MCEMP1: variants seen among roughly 807,000 people sequenced by gnomAD.
MCEMP1 encodes the protein mast cell expressed membrane protein 1, also known as mast cell-expressed membrane protein 1.
Under a neutral mutation model 27.9 loss-of-function variants are expected in MCEMP1, and 17 were observed. The observed-to-expected ratio is 0.61, with a 90% CI of 0.42 to 0.91. The LOEUF (loss-of-function observed/expected upper bound fraction) is 0.91, where lower values mean the gene tolerates loss of function less well. Among genes scored for constraint, MCEMP1 ranks in the 40% least tolerant of loss-of-function variants. The pLI, the probability that MCEMP1 is intolerant of heterozygous loss-of-function variation, is 0.00. For synonymous variants in MCEMP1, 88 were observed against 76.9 expected (o/e 1.14, Z -0.76); for missense variants, 200 against 204.8 (o/e 0.98, Z 0.14).
In MCEMP1 at chr19:7,679,759, T is replaced by G. The variant is rs2146256152; in HGVS notation, c.*645T>G. The G allele has an allele frequency of 6.6e-6, 1 of 152,294 alleles. No homozygotes were observed. The highest frequency in any genetic ancestry group is 2.1e-4 in the South Asian group (1 of 4,848). The allele number at this position is 152,294 out of a possible 1,614,324, so 9.4% of individuals were successfully genotyped here. The stretch of plus-strand genomic sequence containing the variant: ...TGCCACCCTGTGTGCTCAGGGCACA[T>G]GCACACAGACATTTATCTCTGCACT... On this transcript the variant is annotated 3_prime_UTR_variant, in exon 7 of 7. Coordinates refer to ENST00000333598, the MANE Select transcript of MCEMP1 (RefSeq NM_174918.3). This position sits in a 1 kb window ranked among gnomAD's most constrained non-coding sequence, Gnocchi z 4.9.
chr19:7,677,665 C>T lies in MCEMP1; in HGVS notation c.84C>T (p.Ile28=). 1 of 1,613,988 alleles carries T rather than the reference C, an allele frequency of 6.2e-7. No individual in the cohort carries two copies. Among genetic ancestry groups the T allele is most frequent in the South Asian group, 1.1e-5 (1 of 91,074 alleles). Residue 28 remains isoleucine, a synonymous_variant, in exon 2 of 7, where the codon ATC becomes ATT. Transcript: ENST00000333598. The surrounding 1 kb of genome is among the most constrained non-coding windows in gnomAD (Gnocchi z 4.6). Reference sequence around the variant, plus strand: ...CCCATGACCCAGACTATGAGAATATCACCTTGGCCTTCAAAAATCAGGACC... The same window carrying T: ...CCCATGACCCAGACTATGAGAATATTACCTTGGCCTTCAAAAATCAGGACC... The part of the protein sequence containing the change: ...QGAHDPDYEN[I]TLAFKNQDHA...
At position 7,678,362 on chromosome 19, in the gene MCEMP1, C is replaced by T. The variant is rs1484694665; in HGVS notation, c.296C>T (p.Ser99Phe). Residue 99 changes from serine to phenylalanine, a missense_variant, in exon 4 of 7, where the codon TCC becomes TTC. Transcript: ENST00000333598. The surrounding 1 kb of genome is among the most constrained non-coding windows in gnomAD (Gnocchi z 4.8). ...AFIMVKNAEM[S>F]KELLGFKREL... Reference sequence around the variant, plus strand: ...CCCTCCTGAACAGATGCTGAGATGTCCAAGGAGCTGCTGGGCTTTAAAAGG... The same window carrying T: ...CCCTCCTGAACAGATGCTGAGATGTTCAAGGAGCTGCTGGGCTTTAAAAGG... The T allele has an allele frequency of 4.3e-6, 7 of 1,613,870 alleles. No individual in the cohort carries two copies. Among genetic ancestry groups the T allele is most frequent in the Non-Finnish European group, 4.2e-6 (5 of 1,180,006 alleles).
At position 7,679,505 on chromosome 19, in the gene MCEMP1, C is replaced by T. The variant is rs1466656964; in HGVS notation, c.*391C>T. Reference sequence around the variant, plus strand: ...GGCATGTCACGGTGGGTGGCTGTGTCTGAGCACCTCCAGCAGATGTCACTC... The same window carrying T: ...GGCATGTCACGGTGGGTGGCTGTGTTTGAGCACCTCCAGCAGATGTCACTC... On this transcript the variant is annotated 3_prime_UTR_variant, in exon 7 of 7. Coordinates refer to ENST00000333598, the MANE Select transcript of MCEMP1 (RefSeq NM_174918.3). The surrounding 1 kb of genome is among the most constrained non-coding windows in gnomAD (Gnocchi z 4.9). 4.2e-6 allele frequency: 1 copy of T among 237,394 alleles called. No homozygotes were observed. The highest frequency in any genetic ancestry group is 2.3e-5 in the African/African-American group (1 of 43,938). The allele number at this position is 237,394 out of a possible 1,614,324, so 14.7% of individuals were successfully genotyped here. A position where few individuals can be genotyped will look rare whatever the true frequency, so the allele number is the denominator to read the frequency against.
Position 7,677,201 on chromosome 19 carries a change from G to T in MCEMP1, c.55+26G>T. ...GTTAGGGAACTCGAGGTGGAAGGGAGGGGTTAAGAAGGAGAGATTGGGGGG... is the reference window on the plus strand; with the variant it reads ...GTTAGGGAACTCGAGGTGGAAGGGATGGGTTAAGAAGGAGAGATTGGGGGG... On this transcript the variant is annotated intron_variant, in intron 1 of 6. Coordinates refer to ENST00000333598, the MANE Select transcript of MCEMP1 (RefSeq NM_174918.3). The surrounding 1 kb of genome is among the most constrained non-coding windows in gnomAD (Gnocchi z 4.6). The T allele has an allele frequency of 6.4e-7, 1 of 1,556,276 alleles. No individual in the cohort carries two copies. The highest frequency in any genetic ancestry group is 1.2e-5 in the South Asian group (1 of 84,946).
In MCEMP1 at chr19:7,678,707, C is replaced by T; in HGVS notation, c.448+103C>T. Reference sequence around the variant, plus strand: ...GGGAGGAGAAAGCCGGGGTCCTACCCTCCCAAAGCTCAAGTTGTGGAGGGG... The same window carrying T: ...GGGAGGAGAAAGCCGGGGTCCTACCTTCCCAAAGCTCAAGTTGTGGAGGGG... On this transcript the variant is annotated intron_variant, in intron 5 of 6. Transcript: ENST00000333598. The surrounding 1 kb of genome is among the most constrained non-coding windows in gnomAD (Gnocchi z 4.8). The T allele has an allele frequency of 8.0e-7, 1 of 1,249,306 alleles. No homozygotes were observed. The highest frequency in any genetic ancestry group is 1.1e-6 in the Non-Finnish European group (1 of 874,490). 77.4% of individuals were successfully genotyped at this position (1,249,306 alleles called of 1,614,324 possible). A position where few individuals can be genotyped will look rare whatever the true frequency, so the allele number is the denominator to read the frequency against.
At position 7,678,526 on chromosome 19, in the gene MCEMP1, A is replaced by G. The variant is rs1187169453; in HGVS notation, c.370A>G (p.Lys124Glu). ...CGTACAAGCATGCGAAGAGAGACAG[A>G]AGAGAGGCTGGGATTCCGTTCAGCA... ...NSVQACEERQKRGWDSVQQSI... is the reference protein window; with the variant it reads ...NSVQACEERQERGWDSVQQSI... The change falls in exon 5 of 7, where the codon AAG (lysine) becomes GAG (glutamate). Residue 124 changes from lysine to glutamate, a missense_variant. Coordinates refer to ENST00000333598, the MANE Select transcript of MCEMP1 (RefSeq NM_174918.3). The surrounding 1 kb of genome is among the most constrained non-coding windows in gnomAD (Gnocchi z 4.8). 2.5e-6 allele frequency: 4 copies of G among 1,614,134 alleles called. No homozygotes were observed. The highest frequency in any genetic ancestry group is 3.4e-6 in the Non-Finnish European group (4 of 1,180,022).
chr19:7,678,552 G>C lies in MCEMP1; in HGVS notation c.396G>C (p.Gln132His). ...AGAGAGGCTGGGATTCCGTTCAGCA[G>C]AGCATCACCATGGTCAGGAGCAAGA... ...RQKRGWDSVQ[Q>H]SITMVRSKID... is the part of the protein sequence containing the mutation. The change falls in exon 5 of 7, where the codon CAG (glutamine) becomes CAC (histidine). Residue 132 changes from glutamine to histidine, a missense_variant. Gln to His is a conservative substitution (Grantham distance 24). Coordinates refer to ENST00000333598, the MANE Select transcript of MCEMP1 (RefSeq NM_174918.3). This position sits in a 1 kb window ranked among gnomAD's most constrained non-coding sequence, Gnocchi z 4.8. The C allele has an allele frequency of 6.2e-7, 1 of 1,614,172 alleles. No homozygotes were observed. Among genetic ancestry groups the C allele is most frequent in the Non-Finnish European group, 8.5e-7 (1 of 1,180,036 alleles).
rs540155607 is a variant in MCEMP1 at position 7,679,353 on chromosome 19, C to T, written c.*239C>T. The T allele has an allele frequency of 1.6e-3, 823 of 523,038 alleles. 6 individuals carry two copies. Among genetic ancestry groups the T allele is most frequent in the African/African-American group, 0.014 (727 of 51,258 alleles). 32.4% of individuals were successfully genotyped at this position (523,038 alleles called of 1,614,324 possible). On this transcript the variant is annotated 3_prime_UTR_variant, in exon 7 of 7. Transcript: ENST00000333598. This position sits in a 1 kb window ranked among gnomAD's most constrained non-coding sequence, Gnocchi z 4.9. The stretch of plus-strand genomic sequence containing the variant: ...TCGTGTATGTGCGTGTGTGCGTGCG[C>T]GTGTGTGTGCATTTTGCAAAGGGTG...
chr19:7,677,926 GT>G lies in MCEMP1; in HGVS notation c.146-176del. On this transcript the variant is annotated intron_variant, in intron 2 of 6. Coordinates refer to ENST00000333598, the MANE Select transcript of MCEMP1 (RefSeq NM_174918.3). The surrounding 1 kb of genome is among the most constrained non-coding windows in gnomAD (Gnocchi z 4.6). ...AGAGGGGGTCTGTGATGGTGACGGT[GT>G]TAGATCGCTGAGGGTGGCTGGTGGT... 1 of 1,106,172 alleles carries G rather than the reference GT, an allele frequency of 9.0e-7. No homozygotes were observed. The highest frequency in any genetic ancestry group is 1.3e-6 in the Non-Finnish European group (1 of 766,784). 68.5% of individuals were successfully genotyped at this position (1,106,172 alleles called of 1,614,324 possible). A position where few individuals can be genotyped will look rare whatever the true frequency, so the allele number is the denominator to read the frequency against.
In MCEMP1 at chr19:7,679,313, TGTGTGCGC is replaced by T. The variant is rs766516620; in HGVS notation, c.*205_*212del. ...GTACACCTGCGTGCGTGTGTGTGCG[TGTGTGCGC>T]GTGTGTTCGTGTATGTGCGTGTGTG... On this transcript the variant is annotated 3_prime_UTR_variant, in exon 7 of 7. Transcript: ENST00000333598. This position sits in a 1 kb window ranked among gnomAD's most constrained non-coding sequence, Gnocchi z 4.9. The T allele has an allele frequency of 4.2e-4, 270 of 646,442 alleles. No individual in the cohort carries two copies. Among genetic ancestry groups the T allele is most frequent in the Middle Eastern group, 1.7e-3 (4 of 2,338 alleles). The allele number at this position is 646,442 out of a possible 1,614,324, so 40.0% of individuals were successfully genotyped here. A position where few individuals can be genotyped will look rare whatever the true frequency, so the allele number is the denominator to read the frequency against.
rs146973085 is a variant in MCEMP1, at chr19:7,678,543, C to T, written c.387C>T (p.Ser129=). The T allele has an allele frequency of 1.2e-5, 20 of 1,614,088 alleles. No individual in the cohort carries two copies. Among genetic ancestry groups the T allele is most frequent in the Middle Eastern group, 1.6e-4 (1 of 6,062 alleles). Residue 129 remains serine (S), a synonymous_variant, in exon 5 of 7, where the codon TCC becomes TCT. Coordinates refer to ENST00000333598, the MANE Select transcript of MCEMP1 (RefSeq NM_174918.3). The surrounding 1 kb of genome is among the most constrained non-coding windows in gnomAD (Gnocchi z 4.8). ...AGAGACAGAAGAGAGGCTGGGATTC[C>T]GTTCAGCAGAGCATCACCATGGTCA... ...CEERQKRGWD[S]VQQSITMVRS...
In MCEMP1 at chr19:7,678,135, C is replaced by G; in HGVS notation, c.177C>G (p.Ser59=). 1 of 1,612,346 alleles carries G rather than the reference C, an allele frequency of 6.2e-7. No homozygotes were observed. Among genetic ancestry groups the G allele is most frequent in the Non-Finnish European group, 8.5e-7 (1 of 1,179,162 alleles). Residue 59 remains serine (S), a synonymous_variant, in exon 3 of 7, where the codon TCC becomes TCG. Transcript: ENST00000333598. This position sits in a 1 kb window ranked among gnomAD's most constrained non-coding sequence, Gnocchi z 4.8. ...CCCAGTGCAGGCCGCCCTCAGACTC[C>G]ACCCAGGTCCCCTGCTGGTTGTACA... is the stretch of plus-strand genomic sequence containing the variant. ...VPAQCRPPSD[S]TQVPCWLYRA...
rs370331638 is a variant in MCEMP1, at chr19:7,677,257, A to C, written c.55+82A>C. On this transcript the variant is annotated intron_variant, in intron 1 of 6. Transcript: ENST00000333598. This position sits in a 1 kb window ranked among gnomAD's most constrained non-coding sequence, Gnocchi z 4.6. ...GGCTTTTGCTCATGTCTGTAATCCTAGCACTTTGGGAGGCTGAGGCGGGAG... is the reference window on the plus strand; with the variant it reads ...GGCTTTTGCTCATGTCTGTAATCCTCGCACTTTGGGAGGCTGAGGCGGGAG... The C allele has an allele frequency of 3.6e-5, 46 of 1,295,646 alleles. No individual in the cohort carries two copies. In the East Asian group the frequency reaches 5.1e-4, roughly 14 times the overall value. 80.3% of individuals were successfully genotyped at this position (1,295,646 alleles called of 1,614,324 possible).
rs1202304852 is a variant in MCEMP1, at chr19:7,677,592, C to A, written c.56-45C>A. On this transcript the variant is annotated intron_variant, in intron 1 of 6. Coordinates refer to ENST00000333598, the MANE Select transcript of MCEMP1 (RefSeq NM_174918.3). The surrounding 1 kb of genome is among the most constrained non-coding windows in gnomAD (Gnocchi z 4.6). ...TGGGTAAAACAAGATCCCGGATCCACTCTCCACACCACAGAGCTCTGAGCA... is the reference window on the plus strand; with the variant it reads ...TGGGTAAAACAAGATCCCGGATCCAATCTCCACACCACAGAGCTCTGAGCA... 1.3e-6 allele frequency: 2 copies of A among 1,537,432 alleles called. No homozygotes were observed. The highest frequency in any genetic ancestry group is 1.7e-5 in the Admixed American group (1 of 59,872).
Position 7,677,854 on chromosome 19 carries a change from A to T in MCEMP1, c.145+128A>T. On this transcript the variant is annotated intron_variant, in intron 2 of 6. Transcript: ENST00000333598. This position sits in a 1 kb window ranked among gnomAD's most constrained non-coding sequence, Gnocchi z 4.6. ...GGGAAGGAAGAGGTGACAGCTGTTG[A>T]CGTGCTAATGAGGTCTGTTGATGAT... 8 of 1,065,594 alleles carry T rather than the reference A, an allele frequency of 7.5e-6. No homozygotes were observed. The highest frequency in any genetic ancestry group is 1.1e-5 in the Non-Finnish European group (8 of 729,850). The allele number at this position is 1,065,594 out of a possible 1,614,324, so 66.0% of individuals were successfully genotyped here. A position where few individuals can be genotyped will look rare whatever the true frequency, so the allele number is the denominator to read the frequency against.
Position 7,677,742 on chromosome 19 carries a change from C to T in MCEMP1, c.145+16C>T. 1.3e-6 allele frequency: 2 copies of T among 1,584,408 alleles called. No individual in the cohort carries two copies. On this transcript the variant is annotated intron_variant, in intron 2 of 6. Transcript: ENST00000333598. The surrounding 1 kb of genome is among the most constrained non-coding windows in gnomAD (Gnocchi z 4.6). ...ACGAGCCAAGGTGAGCAGACACCCACCTGCTCACATCCCATCACCTTGGGA... is the reference window on the plus strand; with the variant it reads ...ACGAGCCAAGGTGAGCAGACACCCATCTGCTCACATCCCATCACCTTGGGA...
At position 7,679,337 on chromosome 19, in the gene MCEMP1, T is replaced by G; in HGVS notation, c.*223T>G. On this transcript the variant is annotated 3_prime_UTR_variant, in exon 7 of 7. Transcript: ENST00000333598. This position sits in a 1 kb window ranked among gnomAD's most constrained non-coding sequence, Gnocchi z 4.9. ...GTGTGTGCGCGTGTGTTCGTGTATG[T>G]GCGTGTGTGCGTGCGCGTGTGTGTG... The G allele has an allele frequency of 1.7e-6, 1 of 580,320 alleles. No homozygotes were observed. The highest frequency in any genetic ancestry group is 2.9e-5 in the East Asian group (1 of 34,218). 35.9% of individuals were successfully genotyped at this position (580,320 alleles called of 1,614,324 possible). A position where few individuals can be genotyped will look rare whatever the true frequency, so the allele number is the denominator to read the frequency against.
chr19:7,677,542 C>T lies in MCEMP1; in HGVS notation c.56-95C>T, dbSNP rs764132688. ...CTTCTCACTCCTTATCTTTCACCCC[C>T]TACAATTTATTGAGTGCAAAGGGTT... is the stretch of plus-strand genomic sequence containing the variant. On this transcript the variant is annotated intron_variant, in intron 1 of 6. Coordinates refer to ENST00000333598, the MANE Select transcript of MCEMP1 (RefSeq NM_174918.3). The surrounding 1 kb of genome is among the most constrained non-coding windows in gnomAD (Gnocchi z 4.6). The T allele has an allele frequency of 3.2e-6, 4 of 1,239,818 alleles. No homozygotes were observed. Among genetic ancestry groups the T allele is most frequent in the Admixed American group, 1.8e-5 (1 of 57,094 alleles). 76.8% of individuals were successfully genotyped at this position (1,239,818 alleles called of 1,614,324 possible).
rs754755999 is a variant in MCEMP1 at position 7,678,261 on chromosome 19, A to G, written c.283+20A>G. 7 of 1,613,460 alleles carry G rather than the reference A, an allele frequency of 4.3e-6. No individual in the cohort carries two copies. The East Asian group carries it at 1.1e-4, about 26-fold the overall frequency. On this transcript the variant is annotated intron_variant, in intron 3 of 6. Coordinates refer to ENST00000333598, the MANE Select transcript of MCEMP1 (RefSeq NM_174918.3). The surrounding 1 kb of genome is among the most constrained non-coding windows in gnomAD (Gnocchi z 4.8). ...TGAAGAGTGAGTACTTCTTGGGAGG[A>G]GGGTGCTGGGGGGCCTAGACTTTCT...
Sources: allele counts gnomAD v4.1 joint callset, GRCh38; gene constraint gnomAD v4.1.1; non-coding constraint Gnocchi (gnomAD v3.1); transcripts MANE v1.5; gene names NCBI Gene and HGNC (gene_info 2026-07-23, HGNC 2026-07-21).